The following ASIC2 variants were observed in gnomAD, a reference collection of about 807,000 sequenced individuals.
ASIC2 encodes the protein acid sensing ion channel subunit 2.
A neutral mutation model predicts 57.3 loss-of-function variants in ASIC2; 25 were observed. The observed-to-expected ratio is 0.44, with a 90% CI of 0.32 to 0.61. The LOEUF is 0.61. ASIC2 is among the 20% of genes least tolerant of loss of function. ASIC2 has a pLI of 0.06. For missense variants in ASIC2, 641 were observed against 738.1 expected (o/e 0.87, Z 1.52); for synonymous variants, 319 against 307.5 (o/e 1.04, Z -0.39).
intron 1 of ASIC2, 30 bp downstream of exon 1, chr17:33,291,378 G>T: frequency 6.4e-7 from 1 of 1,571,798 alleles, no homozygotes; most frequent in Non-Finnish European, 8.6e-7. Flanking sequence ...GGGGCGCAGA[G>T]GGAGCGGGTT....
At chr17:33,633,139 G>A (rs868325440) in intron 1 of ASIC2, among the ~76,000 whole-genome samples, 1 of 152,176 alleles carries the variant, frequency 6.6e-6, no homozygotes. Context: ...TGAGGGTCGG[G>A]TCTCCAGGGA....
intron 1 of ASIC2, among the ~76,000 whole-genome samples, chr17:33,405,101 C>A (rs1168998117): frequency 1.3e-5 from 2 of 151,934 alleles, no homozygotes; most frequent in Non-Finnish European, 2.9e-5. Flanking sequence ...GTTTTCCATG[C>A]TCTCTGCTCA....
At chr17:33,774,685 G>A (rs1264116089) in intron 1 of ASIC2, among the ~76,000 whole-genome samples, 1 of 152,134 alleles carries the variant, frequency 6.6e-6, no homozygotes. Context: ...TGGGAGTTTG[G>A]AGACATACAC....
chr17:33,087,600 C>T (rs1220710190), intron 3 of ASIC2, among the ~76,000 whole-genome samples: 10 of 92,686 alleles, frequency 1.1e-4, no homozygotes, highest in African/African-American at 6.0e-4. Flanking sequence ...TTTTTTGAGA[C>T]AGGGTCTAGC....
intron 1 of ASIC2, among the ~76,000 whole-genome samples, chr17:33,682,355 G>A (rs182973986): frequency 5.3e-5 from 8 of 152,002 alleles, no homozygotes; most frequent in East Asian, 1.9e-4. Flanking sequence ...ATGAGCCACC[G>A]TGCCCAGCTG....
At chr17:34,137,044 C>G (rs1912147373) in intron 1 of ASIC2, among the ~76,000 whole-genome samples, 1 of 152,244 alleles carries the variant, frequency 6.6e-6, no homozygotes, top group Non-Finnish European at 1.5e-5. Context: ...CCCATGAAGT[C>G]TTTCCAATCC....
intron 1 of ASIC2, among the ~76,000 whole-genome samples, chr17:33,403,275 A>C (rs540404532): frequency 1.3e-5 from 2 of 149,768 alleles, no homozygotes; most frequent in East Asian, 1.9e-4. Flanking sequence ...CAATATATTA[A>C]TAGAATTTGA....
intron 1 of ASIC2, among the ~76,000 whole-genome samples, chr17:33,548,054 CA>C (rs1483555800): frequency 6.6e-6 from 1 of 152,138 alleles, no homozygotes; most frequent in Non-Finnish European, 1.5e-5. Flanking sequence ...CAGACGTTAA[CA>C]GGGAAATTGT....
At chr17:33,204,864 G>A (rs1291232438) in intron 1 of ASIC2, among the ~76,000 whole-genome samples, 1 of 152,160 alleles carries the variant, frequency 6.6e-6, no homozygotes, top group South Asian at 2.1e-4. Flanking sequence ...CATGAATGAA[G>A]CCAACACTGA....
intron 1 of ASIC2, among the ~76,000 whole-genome samples, chr17:33,563,848 A>T (rs1452315374): frequency 6.6e-6 from 1 of 152,178 alleles, no homozygotes; most frequent in Non-Finnish European, 1.5e-5. Flanking sequence ...TCTCCTGGCC[A>T]CCTGCCTTAT....
At chr17:33,103,006 A>G (rs777218654) in intron 2 of ASIC2, among the ~76,000 whole-genome samples, 6 of 152,030 alleles carry the variant, frequency 3.9e-5, no homozygotes, top group Admixed American at 2.6e-4. Flanking sequence ...GATGGTCTTG[A>G]TCTCCTGACC....
At chr17:33,151,549 TG>T (rs1904800585) in intron 1 of ASIC2, among the ~76,000 whole-genome samples, 1 of 152,178 alleles carries the variant, frequency 6.6e-6, no homozygotes, top group Non-Finnish European at 1.5e-5. Context: ...TAATCCCCAA[TG>T]CAACAGTGTT....
chr17:33,779,704 T>G (rs1421506180), intron 1 of ASIC2, among the ~76,000 whole-genome samples: 1 of 152,104 alleles, frequency 6.6e-6, no homozygotes, highest in Non-Finnish European at 1.5e-5. Flanking sequence ...GCAAAGGGGT[T>G]TTAGTGGGAT....
At chr17:33,176,097 T>TAA (rs1345274797) in intron 1 of ASIC2, among the ~76,000 whole-genome samples, 1 of 152,168 alleles carries the variant, frequency 6.6e-6, no homozygotes, top group Non-Finnish European at 1.5e-5. Flanking sequence ...TCCCCTTCTC[T>TAA]AGTGAACATT....
At chr17:33,236,954 G>A (rs2142114744) in intron 1 of ASIC2, among the ~76,000 whole-genome samples, 1 of 152,278 alleles carries the variant, frequency 6.6e-6, no homozygotes, top group East Asian at 1.9e-4. Flanking sequence ...AATTTCTGTT[G>A]TTTGAAGCCA....
chr17:34,150,341 A>T (rs1196347458), intron 1 of ASIC2, among the ~76,000 whole-genome samples: 2 of 152,182 alleles, frequency 1.3e-5, no homozygotes, highest in Non-Finnish European at 1.5e-5. Flanking sequence ...GCCTAGAGTT[A>T]ATAACAATAT....
intron 1 of ASIC2, among the ~76,000 whole-genome samples, chr17:33,607,302 C>G (rs371831766): frequency 1.3e-5 from 2 of 152,098 alleles, no homozygotes; most frequent in African/African-American, 4.8e-5. Flanking sequence ...ATGAATAAAT[C>G]GGGAAGAAAC....
At chr17:33,979,554 G>C (rs1341673716) in intron 1 of ASIC2, among the ~76,000 whole-genome samples, 1 of 152,168 alleles carries the variant, frequency 6.6e-6, no homozygotes, top group Non-Finnish European at 1.5e-5. Context: ...GACCTCCTCA[G>C]GTACCAAGAT....
intron 1 of ASIC2, among the ~76,000 whole-genome samples, chr17:33,329,953 A>G (rs780266907): frequency 1.2e-4 from 18 of 152,112 alleles, no homozygotes; most frequent in African/African-American, 3.4e-4. Context: ...CTCACCCCCT[A>G]TGGTTTAGGC....
Sources: allele counts gnomAD v4.1 joint callset (sites outside exome capture counted in the v4.1 genomes callset), GRCh38; gene constraint gnomAD v4.1.1; transcripts MANE v1.5; gene names NCBI Gene and HGNC (gene_info 2026-07-23, HGNC 2026-07-21).